Variants in TUT4 observed in about 807,000 individuals in gnomAD.
TUT4 encodes the protein terminal uridylyltransferase 4.
A neutral mutation model predicts 192.2 loss-of-function variants in TUT4; 36 were observed. That is an observed-to-expected ratio of 0.19 (90% CI 0.14 to 0.25). The LOEUF (loss-of-function observed/expected upper bound fraction) is 0.25, where lower values mean the gene tolerates loss of function less well. TUT4 is among the 10% of genes least tolerant of loss of function. The pLI is 1.00. For synonymous variants in TUT4, 618 were observed against 666.0 expected (o/e 0.93, Z 1.11); for missense variants, 1,493 against 1,957.2 (o/e 0.76, Z 4.47).
intron 4 of TUT4, among the ~76,000 whole-genome samples, chr1:52,498,540 G>C (rs989037371): frequency 1.3e-5 from 2 of 150,906 alleles, no homozygotes; most frequent in Non-Finnish European, 2.9e-5. Flanking sequence ...CACAGCGCCC[G>C]GCCGTTTCAC....
chr1:52,489,389 A>G (rs1457607327), intron 8 of TUT4, among the ~76,000 whole-genome samples: 2 of 152,230 alleles, frequency 1.3e-5, no homozygotes, highest in African/African-American at 4.8e-5. Context: ...TCAATGTCAA[A>G]TAGTGCAAGG....
At position 52,441,444 on chromosome 1, in the gene TUT4, AT is replaced by A. The variant is rs557710242; in HGVS notation, c.3823-3110del. ...GGCGTGCACCACCACTCTCGGCTAA[AT>A]TTTTTTTTTTTTTTTTTTTTTGTAT... On this transcript the variant is annotated intron_variant, in intron 24 of 29. Transcript: ENST00000257177. 9.5e-3 allele frequency among the ~76,000 whole-genome samples: 1,134 copies of A among 119,974 alleles called. 10 individuals are homozygous for A. The highest frequency in any genetic ancestry group is 0.025 in the Middle Eastern group (6 of 236). The allele number at this position is 119,974 out of a possible 152,430, so 78.7% of individuals were successfully genotyped here.
At chr1:52,485,410 G>C (rs533099291) in intron 9 of TUT4, among the ~76,000 whole-genome samples, 1 of 152,188 alleles carries the variant, frequency 6.6e-6, no homozygotes, top group Admixed American at 6.5e-5. Flanking sequence ...TTCGCACAAA[G>C]AGATAATTTT....
intron 1 of TUT4, chr1:52,538,675 A>C (rs1685652296): frequency 2.6e-5 from 4 of 151,736 alleles, no homozygotes; most frequent in Admixed American, 6.6e-5. Context: ...AAAAGAAAAA[A>C]AAAAAAGAAA....
chr1:52,511,016 C>T (rs933717965), intron 3 of TUT4, among the ~76,000 whole-genome samples: 1 of 152,214 alleles, frequency 6.6e-6, no homozygotes, highest in African/African-American at 2.4e-5. Flanking sequence ...TGATATTCAA[C>T]AGGCTTCAGC....
intron 3 of TUT4, 25 bp from the exon 4 acceptor site, chr1:52,509,737 C>T (rs759080089): frequency 2.2e-6 from 3 of 1,339,376 alleles, no homozygotes; most frequent in Non-Finnish European, 2.1e-6. Context: ...TTTAAAAATG[C>T]ACTTTATTCA....
chr1:52,467,537 C>T (rs1311845806), intron 15 of TUT4, among the ~76,000 whole-genome samples: 1 of 152,194 alleles, frequency 6.6e-6, no homozygotes, highest in Non-Finnish European at 1.5e-5. Context: ...ACAACAGCCT[C>T]CTAAATGTTC....
rs192129316 is a variant in TUT4, at chr1:52,485,445, A to C, written c.1515+3464T>G. ...TATACTTTTCCCAATATTTACATTCAATTATTTCATTTTCTTATTGCATTT... is the reference window on the plus strand; with the variant it reads ...TATACTTTTCCCAATATTTACATTCCATTATTTCATTTTCTTATTGCATTT... On this transcript the variant is annotated intron_variant, in intron 9 of 29. Transcript: ENST00000257177. Among the ~76,000 whole-genome samples, 23 of 152,252 alleles carry C rather than the reference A, an allele frequency of 1.5e-4. No homozygotes were observed. In the East Asian group the frequency reaches 2.7e-3, roughly 18 times the overall value.
chr1:52,445,925 A>T, intron 23 of TUT4, 32 bp downstream of exon 23: 1 of 1,603,078 alleles, frequency 6.2e-7, no homozygotes, highest in East Asian at 2.2e-5. Context: ...TCAGAGTTTT[A>T]AAATCAGAGA....
At chr1:52,476,278 C>A (rs1667054454) in intron 12 of TUT4, among the ~76,000 whole-genome samples, 1 of 151,548 alleles carries the variant, frequency 6.6e-6, no homozygotes, top group African/African-American at 2.4e-5. Context: ...AAGTAAAAGA[C>A]AGTAGTAGGA....
intron 4 of TUT4, among the ~76,000 whole-genome samples, chr1:52,508,289 T>C (rs1353335525): frequency 7.0e-6 from 1 of 142,352 alleles, no homozygotes; most frequent in East Asian, 2.1e-4. Context: ...ATTGCACCAC[T>C]GAACTCCAGC....
intron 6 of TUT4, 49 bp from the exon 7 acceptor site, chr1:52,493,711 C>G (rs1249211467): frequency 8.6e-7 from 1 of 1,169,356 alleles, no homozygotes; most frequent in African/African-American, 1.6e-5. Context: ...AAAGTTCGGA[C>G]AGCAGAACAT....
Position 52,463,793 on chromosome 1 carries a change from G to C in TUT4, c.3069+1277C>G, listed in dbSNP as rs551512397. The C allele has an allele frequency of 5.4e-6, 7 of 1,304,028 alleles. No homozygotes were observed. The South Asian group carries it at 7.4e-5, about 14-fold the overall frequency. 80.8% of individuals were successfully genotyped at this position (1,304,028 alleles called of 1,614,324 possible). On this transcript the variant is annotated intron_variant, in intron 16 of 29. Transcript: ENST00000257177. The stretch of plus-strand genomic sequence containing the variant: ...CTATTAAGGCCTGGTATACAAAAAA[G>C]GAAAGCGTAAGTACCCACTCTTACT...
At chr1:52,466,335 C>T (rs917580022) in intron 15 of TUT4, among the ~76,000 whole-genome samples, 6 of 151,884 alleles carry the variant, frequency 4.0e-5, no homozygotes, top group African/African-American at 1.5e-4. Flanking sequence ...TTTGTCTTTA[C>T]AAAAATTTTT....
chr1:52,493,960 T>C (rs1671833238), intron 6 of TUT4, among the ~76,000 whole-genome samples: 1 of 149,802 alleles, frequency 6.7e-6, no homozygotes, highest in East Asian at 2.0e-4. Flanking sequence ...CACATCCAGC[T>C]AATACTTTTT....
At chr1:52,551,439 AT>A (rs1689404612) in intron 1 of TUT4, among the ~76,000 whole-genome samples, 1 of 152,198 alleles carries the variant, frequency 6.6e-6, no homozygotes, top group South Asian at 2.1e-4. Flanking sequence ...AAATATAAAT[AT>A]TTTTAAAGCA....
intron 11 of TUT4, 60 bp downstream of exon 11, chr1:52,481,363 C>A (rs577143747): frequency 6.0e-5 from 92 of 1,540,008 alleles, no homozygotes; most frequent in Middle Eastern, 1.7e-4. Flanking sequence ...TAGCTTCAAT[C>A]GAAGAATATC....
At chr1:52,477,114 T>C (rs1667298332) in intron 12 of TUT4, among the ~76,000 whole-genome samples, 1 of 152,224 alleles carries the variant, frequency 6.6e-6, no homozygotes, top group African/African-American at 2.4e-5. Context: ...AGATCTTATA[T>C]TATTCATAAC....
At chr1:52,475,678 G>A (rs1195876312) in intron 12 of TUT4, 143 bp from the exon 13 acceptor site, 1 of 711,602 alleles carries the variant, frequency 1.4e-6, no homozygotes, top group Non-Finnish European at 2.2e-6. Context: ...CCCAGTGAAA[G>A]TTCCTGAAAA....
Sources: gnomAD v4.1 joint callset for allele counts (sites outside exome capture counted in the v4.1 genomes callset) on GRCh38, gnomAD v4.1.1 for gene constraint, MANE v1.5 for transcripts, NCBI Gene and HGNC (gene_info 2026-07-23, HGNC 2026-07-21) for gene names.